Variants in FAXDC2 observed in about 807,000 individuals in gnomAD.
The protein encoded by FAXDC2 is fatty acid hydroxylase domain containing 2.
A neutral mutation model predicts 40.9 loss-of-function variants in FAXDC2; 41 were observed. The observed-to-expected ratio is 1.00, with a 90% CI of 0.78 to 1.30. FAXDC2 has a LOEUF of 1.30. Among genes scored for constraint, FAXDC2 ranks in the 50% most tolerant of loss-of-function variants. FAXDC2 has a pLI of 0.00. For synonymous variants in FAXDC2, 157 were observed against 149.3 expected, an observed-to-expected ratio of 1.05 and a Z score of -0.38; for missense variants, 390 against 408.8, an observed-to-expected ratio of 0.95 and a Z score of 0.40.
Position 154,834,668 on chromosome 5 carries a change from C to A in FAXDC2, c.201G>T (p.Leu67=). ...ACTCCTTCCCTTCAAATGTAGTCAG[C>A]AGCCTCTCCCACTGGGCTTGCCAAA... ...GYFWQAQWER[L]LTTFEGKEWI... Residue 67 remains leucine (L), a synonymous_variant, in exon 4 of 9, where the codon CTG becomes CTT. Coordinates refer to ENST00000326080, the MANE Select transcript of FAXDC2 (RefSeq NM_032385.5). 1 of 1,613,668 alleles carries A rather than the reference C, an allele frequency of 6.2e-7. No homozygotes were observed. Among genetic ancestry groups the A allele is most frequent in the Non-Finnish European group, 8.5e-7 (1 of 1,179,914 alleles).
intron 5 of FAXDC2, among the ~76,000 whole-genome samples, chr5:154,827,545 C>T (rs1336174313): frequency 2.0e-5 from 3 of 150,796 alleles, no homozygotes; most frequent in African/African-American, 7.3e-5. Context: ...CATCGCGAGG[C>T]CAGGTTTCGC....
At chr5:154,846,104 G>A (rs116919331) in intron 1 of FAXDC2, among the ~76,000 whole-genome samples, 1 of 151,984 alleles carries the variant, frequency 6.6e-6, no homozygotes, top group East Asian at 1.9e-4. Context: ...GCCCAGCCTG[G>A]ACACATATTA....
chr5:154,835,883 C>CTTTT (rs869068025), intron 2 of FAXDC2, among the ~76,000 whole-genome samples: 6 of 47,868 alleles, frequency 1.3e-4, no homozygotes, highest in Non-Finnish European at 2.0e-4. Flanking sequence ...GCCCGGCCGA[C>CTTTT]TTTTTTTTTT....
intron 8 of FAXDC2, 168 bp from the exon 9 acceptor site, chr5:154,820,640 T>TC (rs2113116205): frequency 1.8e-6 from 1 of 552,232 alleles, no homozygotes; most frequent in African/African-American, 2.0e-5. Context: ...CCAATGCATC[T>TC]CCCGGGGGCC....
In FAXDC2 at chr5:154,819,662, A is replaced by C. The variant is rs896983468; in HGVS notation, c.*654T>G. 22 of 152,258 alleles carry C rather than the reference A, an allele frequency of 1.4e-4. No individual in the cohort carries two copies. The highest frequency in any genetic ancestry group is 4.6e-4 in the African/African-American group (19 of 41,480). 9.4% of individuals were successfully genotyped at this position (152,258 alleles called of 1,614,324 possible). ...GCTCCTGGATTTCTTTTTCTCCCCC[A>C]CAGAGGGAAACCTTTTGTTTGCGGT... On this transcript the variant is annotated 3_prime_UTR_variant, in exon 9 of 9. Coordinates refer to ENST00000326080, the MANE Select transcript of FAXDC2 (RefSeq NM_032385.5).
intron 5 of FAXDC2, among the ~76,000 whole-genome samples, chr5:154,828,296 T>G (rs989904510): frequency 2.6e-5 from 4 of 152,112 alleles, no homozygotes; most frequent in Non-Finnish European, 5.9e-5. Flanking sequence ...GGTGGGGTTT[T>G]TTTTGTTTTG....
rs1582516435 is a variant in FAXDC2, at chr5:154,820,334, G to A, written c.984C>T (p.Ser328=). The A allele has an allele frequency of 1.2e-6, 2 of 1,611,528 alleles. No homozygotes were observed. The highest frequency in any genetic ancestry group is 1.7e-6 in the Non-Finnish European group (2 of 1,178,764). Residue 328 remains serine, a synonymous_variant, in exon 9 of 9, where the codon TCC becomes TCT. Transcript: ENST00000326080. The part of the protein sequence containing the change: ...FTPLSESIPD[S]PKRME ...CTGTCTCTCACTCCATCCTCTTTGG[G>A]GAGTCTGGGATGCTCTCAGAGAGCG...
At chr5:154,835,121 T>A (rs1332918906) in intron 2 of FAXDC2, 187 bp from the exon 3 acceptor site, 3 of 555,908 alleles carry the variant, frequency 5.4e-6, no homozygotes, top group Non-Finnish European at 6.4e-6. Flanking sequence ...GCTCTCAGGC[T>A]GTACATGGGT....
chr5:154,831,693 G>A (rs1419951223), intron 4 of FAXDC2, among the ~76,000 whole-genome samples: 1 of 152,130 alleles, frequency 6.6e-6, no homozygotes, highest in Non-Finnish European at 1.5e-5. Context: ...AGTAACTGTG[G>A]CGGCTGGGAC....
At position 154,834,715 on chromosome 5, in the gene FAXDC2, A is replaced by G. The variant is rs1469470397; in HGVS notation, c.154T>C (p.Phe52Leu). 6.2e-7 allele frequency: 1 copy of G among 1,613,664 alleles called. No homozygotes were observed. Among genetic ancestry groups the G allele is most frequent in the Non-Finnish European group, 8.5e-7 (1 of 1,179,950 alleles). ...CAAAAGTAGCCAGAAGCACCCCAAA[A>G]TCTCTGAAGATGCCTTGGAAAAAAA... The part of the protein sequence containing the change: ...WNSVTWHLQR[F>L]WGASGYFWQA... Residue 52 changes from phenylalanine to leucine, a missense_variant, in exon 4 of 9, where the codon TTT becomes CTT. Coordinates refer to ENST00000326080, the MANE Select transcript of FAXDC2 (RefSeq NM_032385.5).
chr5:154,821,154 C>T (rs1246088764), intron 8 of FAXDC2, 106 bp downstream of exon 8: 9 of 942,722 alleles, frequency 9.5e-6, no homozygotes, highest in Non-Finnish European at 1.5e-5. Context: ...TCTTCCCCAA[C>T]TAGCACTCAC....
chr5:154,840,562 T>C (rs1333858057), intron 1 of FAXDC2, among the ~76,000 whole-genome samples: 2 of 151,860 alleles, frequency 1.3e-5, no homozygotes, highest in African/African-American at 4.8e-5. Flanking sequence ...AGGGTCTTGC[T>C]CTGTTGCCCA....
At chr5:154,849,178 G>T (rs944967143) in intron 1 of FAXDC2, among the ~76,000 whole-genome samples, 1 of 151,946 alleles carries the variant, frequency 6.6e-6, no homozygotes, top group Non-Finnish European at 1.5e-5. Flanking sequence ...TACTTGGGGG[G>T]CTGAGGCAGG....
intron 5 of FAXDC2, chr5:154,823,897 C>A: frequency 2.8e-6 from 1 of 363,234 alleles, no homozygotes; most frequent in South Asian, 3.2e-5. Context: ...CTGGCCAGGC[C>A]CCATGTATTT....
At position 154,819,346 on chromosome 5, in the gene FAXDC2, A is replaced by C. The variant is rs1395503181; in HGVS notation, c.*970T>G. ...TTCCTGGTAAAAATCATCTTGAATA[A>C]ATGTTGCTGAGAAACTGGTAAAGCA... is the stretch of plus-strand genomic sequence containing the variant. On this transcript the variant is annotated 3_prime_UTR_variant, in exon 9 of 9. Transcript: ENST00000326080. 2 of 152,094 alleles carry C rather than the reference A, an allele frequency of 1.3e-5. No homozygotes were observed. Among genetic ancestry groups the C allele is most frequent in the Admixed American group, 1.3e-4 (2 of 15,274 alleles). 9.4% of individuals were successfully genotyped at this position (152,094 alleles called of 1,614,324 possible). A position where few individuals can be genotyped will look rare whatever the true frequency, so the allele number is the denominator to read the frequency against.
rs1425185631 is a variant in FAXDC2, at chr5:154,819,348, T to C, written c.*968A>G. The C allele has an allele frequency of 6.6e-6, 1 of 152,156 alleles. No individual in the cohort carries two copies. The highest frequency in any genetic ancestry group is 2.4e-5 in the African/African-American group (1 of 41,430). The allele number at this position is 152,156 out of a possible 1,614,324, so 9.4% of individuals were successfully genotyped here. A position where few individuals can be genotyped will look rare whatever the true frequency, so the allele number is the denominator to read the frequency against. On this transcript the variant is annotated 3_prime_UTR_variant, in exon 9 of 9. Transcript: ENST00000326080. ...CCTGGTAAAAATCATCTTGAATAAATGTTGCTGAGAAACTGGTAAAGCATT... is the reference window on the plus strand; with the variant it reads ...CCTGGTAAAAATCATCTTGAATAAACGTTGCTGAGAAACTGGTAAAGCATT...
Position 154,821,261 on chromosome 5 carries a change from T to C in FAXDC2, c.844A>G (p.Lys282Glu). The C allele has an allele frequency of 1.2e-6, 2 of 1,609,256 alleles. No homozygotes were observed. The highest frequency in any genetic ancestry group is 1.7e-6 in the Non-Finnish European group (2 of 1,177,014). ...CCATTGTGGGGAGAAGGTCCTTACT[T>C]GAGATGGTGGTAGTCGTGGAATTCA... ...SPEFHDYHHL[K>E]FNQCYGVLGV... Residue 282 changes from lysine (K) to glutamate (E), a missense_variant and splice_region_variant, in exon 8 of 9, where the codon AAG becomes GAG. Lys to Glu is a moderately conservative substitution (Grantham distance 56). Transcript: ENST00000326080.
chr5:154,820,350 T>C lies in FAXDC2; in HGVS notation c.968A>G (p.Glu323Gly). 6.2e-7 allele frequency: 1 copy of C among 1,613,190 alleles called. No individual in the cohort carries two copies. ...VLLLGFTPLS[E>G]SIPDSPKRME ...CCTCTTTGGGGAGTCTGGGATGCTC[T>C]CAGAGAGCGGGGTGAAGCCCAGCAG... The change falls in exon 9 of 9, where the codon GAG becomes GGG. Residue 323 changes from glutamate (E) to glycine (G), a missense_variant. Physicochemically the swap from Glu to Gly is moderately conservative, Grantham distance 98. Coordinates refer to ENST00000326080, the MANE Select transcript of FAXDC2 (RefSeq NM_032385.5).
chr5:154,838,313 G>T, intron 1 of FAXDC2, 135 bp from the exon 2 acceptor site: 1 of 715,548 alleles, frequency 1.4e-6, no homozygotes, highest in South Asian at 1.7e-5. Flanking sequence ...TGTTCTTCCT[G>T]AAACCAGACA....
Sources: gnomAD v4.1 joint callset for allele counts (sites outside exome capture counted in the v4.1 genomes callset) on GRCh38, gnomAD v4.1.1 for gene constraint, MANE v1.5 for transcripts, NCBI Gene and HGNC (gene_info 2026-07-23, HGNC 2026-07-21) for gene names.